PLGRKT: variants seen among roughly 807,000 people sequenced by gnomAD.
PLGRKT encodes the protein plasminogen receptor with a C-terminal lysine, also known as plasminogen receptor (KT).
Under a neutral mutation model 18.5 loss-of-function variants are expected in PLGRKT, and 22 were observed. That is an observed-to-expected ratio of 1.19 (90% CI 0.85 to 1.70). The LOEUF is 1.70. PLGRKT is among the 40% of genes most tolerant of loss of function. The pLI is 0.00. For synonymous variants in PLGRKT, 72 were observed against 52.8 expected (o/e 1.36, Z -1.58); for missense variants, 235 against 174.4 (o/e 1.35, Z -1.96).
intron 3 of PLGRKT, among the ~76,000 whole-genome samples, chr9:5,400,631 A>T (rs570918605): frequency 5.9e-5 from 9 of 152,106 alleles, no homozygotes; most frequent in South Asian, 2.1e-4. Context: ...ACTGTGTAAA[A>T]TAATTTGAAC....
In PLGRKT at chr9:5,391,649, T is replaced by C. The variant is rs144124293; in HGVS notation, c.82-29761A>G. Among the ~76,000 whole-genome samples the C allele has an allele frequency of 1.2e-3, 178 of 152,060 alleles. 2 individuals are homozygous for C. The highest frequency in any genetic ancestry group is 6.8e-3 in the Middle Eastern group (2 of 294). The stretch of plus-strand genomic sequence containing the variant: ...AGAGTAAAAGGCAGAGTTTGTGGCA[T>C]TGAGGCAAGAGTAAGGCTAGCTCTT... On this transcript the variant is annotated intron_variant, in intron 3 of 5. Transcript: ENST00000223864.
chr9:5,385,804 T>C (rs374725638), intron 3 of PLGRKT, among the ~76,000 whole-genome samples: 1 of 151,886 alleles, frequency 6.6e-6, no homozygotes. Flanking sequence ...ACACTGACAG[T>C]GTTTCCTCCA....
intron 3 of PLGRKT, among the ~76,000 whole-genome samples, chr9:5,387,669 C>T (rs7040655): frequency 6.1e-5 from 6 of 97,864 alleles, no homozygotes; most frequent in Admixed American, 1.0e-4. Context: ...AAGCCTCCTG[C>T]GGGGGGGCTG....
chr9:5,403,646 G>C (rs1469942125), intron 3 of PLGRKT, among the ~76,000 whole-genome samples: 3 of 152,362 alleles, frequency 2.0e-5, no homozygotes, highest in Non-Finnish European at 2.9e-5. Flanking sequence ...TTAACCAGAA[G>C]TTTAAAATTT....
intron 3 of PLGRKT, among the ~76,000 whole-genome samples, chr9:5,397,038 G>A (rs745936498): frequency 1.4e-4 from 22 of 152,106 alleles, no homozygotes; most frequent in Middle Eastern, 3.4e-3. Context: ...TTAACCAAAA[G>A]TTTAAATTAA....
intron 3 of PLGRKT, among the ~76,000 whole-genome samples, chr9:5,411,462 G>C (rs1044473198): frequency 1.3e-5 from 2 of 151,944 alleles, no homozygotes; most frequent in African/African-American, 4.8e-5. Flanking sequence ...ACCAATTCTT[G>C]GGTATCCTTC....
At chr9:5,368,494 T>A (rs1817444769) in intron 3 of PLGRKT, among the ~76,000 whole-genome samples, 1 of 152,144 alleles carries the variant, frequency 6.6e-6, no homozygotes, top group Admixed American at 6.5e-5. Context: ...GGAAGCCAAA[T>A]AACTCATGTT....
intron 2 of PLGRKT, among the ~76,000 whole-genome samples, chr9:5,434,533 T>G (rs929231999): frequency 1.4e-5 from 2 of 143,156 alleles, no homozygotes; most frequent in African/African-American, 5.4e-5. Context: ...GCTCTTTGTC[T>G]GGGAGGTGGG....
intron 3 of PLGRKT, among the ~76,000 whole-genome samples, chr9:5,380,751 G>T (rs1817726692): frequency 6.6e-6 from 1 of 152,168 alleles, no homozygotes; most frequent in Non-Finnish European, 1.5e-5. Context: ...GTGCCTAGAA[G>T]AGTGCCTTGC....
intron 3 of PLGRKT, among the ~76,000 whole-genome samples, chr9:5,427,740 C>A (rs1279693526): frequency 3.9e-5 from 6 of 152,174 alleles, no homozygotes; most frequent in African/African-American, 1.4e-4. Flanking sequence ...ACTTTACATG[C>A]CCTGATAGTT....
chr9:5,424,674 ATATAT>A (rs1818656765), intron 3 of PLGRKT, among the ~76,000 whole-genome samples: 1 of 72,308 alleles, frequency 1.4e-5, no homozygotes, highest in African/African-American at 5.9e-5. Flanking sequence ...TATTTTATAT[ATATAT>A]ATATATATAT....
rs1458955242 is a variant in PLGRKT at position 5,426,238 on chromosome 9, A to G, written c.81+5659T>C. ...GGAGCTTCAGGAATATTGTCATAAC[A>G]GAATTCTTAAGCTTAGTGGGAGATT... On this transcript the variant is annotated intron_variant, in intron 3 of 5. Transcript: ENST00000223864. Among the ~76,000 whole-genome samples the G allele has an allele frequency of 2.0e-5, 3 of 152,216 alleles. No individual in the cohort carries two copies. The East Asian group carries it at 5.8e-4, about 29-fold the overall frequency.
intron 3 of PLGRKT, among the ~76,000 whole-genome samples, chr9:5,380,082 A>C (rs1233459635): frequency 6.6e-6 from 1 of 152,236 alleles, no homozygotes; most frequent in East Asian, 1.9e-4. Context: ...CAAAAAGAAT[A>C]GGCTGGGCGC....
Position 5,380,370 on chromosome 9 carries a change from TAAAA to T in PLGRKT, c.82-18486_82-18483del, listed in dbSNP as rs71326159. On this transcript the variant is annotated intron_variant, in intron 3 of 5. Transcript: ENST00000223864. ...CCAAACAGCGAGACTCTGTCTCAAT[TAAAA>T]AAAAAAAAAAAAAAAGAATAAAAAT... 3.4e-4 allele frequency among the ~76,000 whole-genome samples: 44 copies of T among 129,318 alleles called. 1 individual carries two copies. The highest frequency in any genetic ancestry group is 5.3e-4 in the African/African-American group (19 of 35,550). 84.8% of individuals were successfully genotyped at this position (129,318 alleles called of 152,430 possible).
intron 3 of PLGRKT, among the ~76,000 whole-genome samples, chr9:5,384,453 G>A (rs188342935): frequency 2.0e-5 from 3 of 152,088 alleles, no homozygotes; most frequent in South Asian, 2.1e-4. Flanking sequence ...CATAGTTCAT[G>A]CTAGACATGG....
At chr9:5,378,422 C>T (rs1817672781) in intron 3 of PLGRKT, among the ~76,000 whole-genome samples, 1 of 152,134 alleles carries the variant, frequency 6.6e-6, no homozygotes, top group African/African-American at 2.4e-5. Flanking sequence ...TAACACCGCA[C>T]ACAATATGAA....
chr9:5,361,219 C>CA (rs1563764233), intron 4 of PLGRKT, 32 bp from the exon 5 acceptor site: 3 of 1,257,654 alleles, frequency 2.4e-6, no homozygotes, highest in East Asian at 2.3e-5. Context: ...GAACCAATAT[C>CA]AAAAAATAAC....
intron 3 of PLGRKT, among the ~76,000 whole-genome samples, chr9:5,402,477 C>T (rs547241245): frequency 6.6e-6 from 1 of 151,924 alleles, no homozygotes; most frequent in Admixed American, 6.5e-5. Flanking sequence ...ACTGCCATAG[C>T]CAGACCACAT....
chr9:5,420,481 G>A (rs1281568968), intron 3 of PLGRKT, among the ~76,000 whole-genome samples: 1 of 152,156 alleles, frequency 6.6e-6, no homozygotes, highest in Admixed American at 6.5e-5. Context: ...GACTACGGCA[G>A]GTAGTGGGGA....
Sources: allele counts gnomAD v4.1 joint callset (sites outside exome capture counted in the v4.1 genomes callset), GRCh38; gene constraint gnomAD v4.1.1; transcripts MANE v1.5; gene names NCBI Gene and HGNC (gene_info 2026-07-23, HGNC 2026-07-21).